The following DMWD variants were observed in gnomAD, a reference collection of about 807,000 sequenced individuals.
The protein encoded by DMWD is dystrophia myotonica WD repeat-containing protein.
DMWD carries 19 observed loss-of-function variants against 45.8 expected under a neutral mutation model. The ratio of observed to expected loss-of-function variants is 0.41; its 90% CI spans 0.29 to 0.61. The LOEUF (loss-of-function observed/expected upper bound fraction) is 0.61, where lower values mean the gene tolerates loss of function less well. Among genes scored for constraint, DMWD ranks in the 20% least tolerant of loss-of-function variants. The pLI is 0.25. For missense variants in DMWD, 802 were observed against 965.2 expected, an observed-to-expected ratio of 0.83 and a Z score of 2.24; for synonymous variants, 515 against 440.5, an observed-to-expected ratio of 1.17 and a Z score of -2.12.
rs200580551 is a variant in DMWD at position 45,786,755 on chromosome 19, G to A, written c.741C>T (p.Cys247=). 27 of 1,614,148 alleles carry A rather than the reference G, an allele frequency of 1.7e-5. No homozygotes were observed. The highest frequency in any genetic ancestry group is 1.3e-4 in the Admixed American group (8 of 60,032). The stretch of plus-strand genomic sequence containing the variant: ...GGCTGTACTGGGGCGGGGCCGAGGC[G>A]CAGGGGTGGCTGACGTTGTACAGGT... ...HLYLYNVSHP[C]ASAPPQYSLL... is the part of the protein sequence containing the mutation. Residue 247 remains cysteine (C), a synonymous_variant, in exon 3 of 5, where the codon TGC becomes TGT. Transcript: ENST00000270223.
chr19:45,784,263 G>A lies in DMWD; in HGVS notation c.2005C>T (p.Pro669Ser). 6.5e-7 allele frequency: 1 copy of A among 1,526,740 alleles called. No homozygotes were observed. 94.6% of individuals were successfully genotyped at this position (1,526,740 alleles called of 1,614,324 possible). A position where few individuals can be genotyped will look rare whatever the true frequency, so the allele number is the denominator to read the frequency against. ...TGGCTTCACACCACTGTGCCACTCG[G>A]GGAGTTGCCTGGTTGGGAGGAGATG... ...EGISSQPGNS[P>S]SGTVV The change falls in exon 5 of 5, where the codon CCG becomes TCG. Residue 669 changes from proline (P) to serine (S), a missense_variant. By Grantham distance (74) the Pro-to-Ser change is moderately conservative. Transcript: ENST00000270223.
chr19:45,792,125 C>A (rs1970363253), intron 1 of DMWD, among the ~76,000 whole-genome samples, 191 bp downstream of exon 1: 1 of 152,162 alleles, frequency 6.6e-6, no homozygotes, highest in Admixed American at 6.5e-5. Context: ...TCCAAGATGC[C>A]TGCCCAGCAC....
Position 45,792,669 on chromosome 19 carries a change from C to G in DMWD, c.88G>C (p.Glu30Gln). The G allele has an allele frequency of 7.6e-7, 1 of 1,316,670 alleles. No homozygotes were observed. Among genetic ancestry groups the G allele is most frequent in the Non-Finnish European group, 9.8e-7 (1 of 1,017,248 alleles). The allele number at this position is 1,316,670 out of a possible 1,614,324, so 81.6% of individuals were successfully genotyped here. ...AEIKSQFRTR[E>Q]GFYKLLPGDG... ...CCCGGGAGTAGCTTGTAGAAACCCT[C>G]GCGCGTGCGGAATTGCGACTTAATC... Residue 30 changes from glutamate (E) to glutamine (Q), a missense_variant, in exon 1 of 5, where the codon GAG becomes CAG. Coordinates refer to ENST00000270223, the MANE Select transcript of DMWD (RefSeq NM_004943.2).
At position 45,786,252 on chromosome 19, in the gene DMWD, C is replaced by A. The variant is rs752434753; in HGVS notation, c.1244G>T (p.Gly415Val). The A allele has an allele frequency of 6.2e-7, 1 of 1,606,608 alleles. No homozygotes were observed. Among genetic ancestry groups the A allele is most frequent in the East Asian group, 2.2e-5 (1 of 44,720 alleles). The change falls in exon 3 of 5, where the codon GGC becomes GTC. Residue 415 changes from glycine to valine, a missense_variant. Gly to Val is a moderately radical substitution (Grantham distance 109, BLOSUM62 -3). Coordinates refer to ENST00000270223, the MANE Select transcript of DMWD (RefSeq NM_004943.2). Reference protein sequence around the residue: ...PEAAGTGSAGGAPLSPLPKAG... With the variant: ...PEAAGTGSAGVAPLSPLPKAG... ...CTTGGGCAGTGGAGAGAGCGGGGCG[C>A]CCCCGGCCGAGCCTGTGCCCGCAGC...
rs1408265535 is a variant in DMWD at position 45,785,764 on chromosome 19, C to T, written c.1732G>A (p.Val578Met). The T allele has an allele frequency of 1.2e-6, 2 of 1,611,296 alleles. No homozygotes were observed. Among genetic ancestry groups the T allele is most frequent in the Non-Finnish European group, 1.7e-6 (2 of 1,178,948 alleles). The change falls in exon 3 of 5, where the codon GTG becomes ATG. Residue 578 changes from valine to methionine, a missense_variant. Physicochemically the swap from Val to Met is conservative, Grantham distance 21. Coordinates refer to ENST00000270223, the MANE Select transcript of DMWD (RefSeq NM_004943.2). ...CGCGGGCACAGCGCAGTGCCCAGCA[C>T]CTTGGCGGGGTCCAGGCGGCTGCGG... Reference protein sequence around the residue: ...VPRSRLDPAKVLGTALCPRIH... With the variant: ...VPRSRLDPAKMLGTALCPRIH...
rs1970266664 is a variant in DMWD, at chr19:45,785,970, C to G, written c.1526G>C (p.Gly509Ala). 6.4e-7 allele frequency: 1 copy of G among 1,574,054 alleles called. No homozygotes were observed. Among genetic ancestry groups the G allele is most frequent in the Non-Finnish European group, 8.6e-7 (1 of 1,161,890 alleles). Reference sequence around the variant, plus strand: ...TGGTGTGCCAGGCTCTGCCGCCACACCCGGGCCGCCCGCCTTGCCCCCGCC... The same window carrying G: ...TGGTGTGCCAGGCTCTGCCGCCACAGCCGGGCCGCCCGCCTTGCCCCCGCC... ...PAGGGKAGGP[G>A]VAAEPGTPFS... The change falls in exon 3 of 5, where the codon GGT (glycine) becomes GCT (alanine). Residue 509 changes from glycine (G) to alanine (A), a missense_variant. Gly to Ala is a moderately conservative substitution (Grantham distance 60). Coordinates refer to ENST00000270223, the MANE Select transcript of DMWD (RefSeq NM_004943.2).
At chr19:45,791,577 C>T (rs1197982972) in intron 1 of DMWD, among the ~76,000 whole-genome samples, 2 of 152,114 alleles carry the variant, frequency 1.3e-5, no homozygotes, top group African/African-American at 4.8e-5. Context: ...TTCTGGGACC[C>T]GTCAAACCTC....
At position 45,786,359 on chromosome 19, in the gene DMWD, G is replaced by A. The variant is rs768564011; in HGVS notation, c.1137C>T (p.Tyr379=). ...TCGCCGCCTCCTCTGCCCTTGTGGT[G>A]TAGGGGTCAAAGGCCACAGCGTTGA... The part of the protein sequence containing the change: ...SWVNAVAFDP[Y]TTRAEEAATA... The change falls in exon 3 of 5, where the codon TAC becomes TAT. Residue 379 remains tyrosine (Y), a synonymous_variant. Transcript: ENST00000270223. The A allele has an allele frequency of 1.2e-6, 2 of 1,611,970 alleles. No individual in the cohort carries two copies. The highest frequency in any genetic ancestry group is 1.3e-5 in the African/African-American group (1 of 75,038).
At chr19:45,789,554 T>C (rs1970326820) in intron 2 of DMWD, 1 of 152,258 alleles carries the variant, frequency 6.6e-6, no homozygotes, top group Non-Finnish European at 1.5e-5. Flanking sequence ...AATGGTCACC[T>C]TCCCAAAGTC....
chr19:45,786,320 A>T lies in DMWD; in HGVS notation c.1176T>A (p.Ala392=). The T allele has an allele frequency of 6.2e-7, 1 of 1,606,442 alleles. No individual in the cohort carries two copies. The highest frequency in any genetic ancestry group is 8.5e-7 in the Non-Finnish European group (1 of 1,174,710). The change falls in exon 3 of 5, where the codon GCT becomes GCA. Residue 392 remains alanine (A), a synonymous_variant. Transcript: ENST00000270223. ...CCTCTTCGCCGCTCCGCTCCCCATC[A>T]GCACCGGCTGCTGTCGCCGCCTCCT... ...RAEEAATAAG[A]DGERSGEEEE...
At chr19:45,791,160 G>A (rs1429082921) in intron 1 of DMWD, 73 bp from the exon 2 acceptor site, 7 of 1,474,382 alleles carry the variant, frequency 4.7e-6, no homozygotes, top group South Asian at 2.6e-5. Flanking sequence ...GAGGTTGGGG[G>A]AAACCACTAA....
At chr19:45,786,967 G>C in intron 2 of DMWD, 96 bp from the exon 3 acceptor site, 1 of 1,510,768 alleles carries the variant, frequency 6.6e-7, no homozygotes, top group Non-Finnish European at 8.9e-7. Flanking sequence ...GTTGGACATG[G>C]CCCCGCTCAC....
intron 3 of DMWD, chr19:45,785,393 G>A: frequency 8.0e-7 from 1 of 1,253,048 alleles, no homozygotes; most frequent in Non-Finnish European, 1.0e-6. Flanking sequence ...CCCTCTTTCT[G>A]CTGCCTGCTG....
chr19:45,786,665 C>T lies in DMWD; in HGVS notation c.831G>A (p.Leu277=), dbSNP rs1317246619. The part of the protein sequence containing the change: ...AAKSKAPRNP[L]AKWAVGEGPL... The stretch of plus-strand genomic sequence containing the variant: ...GCCCCTCACCCACCGCCCACTTGGC[C>T]AGCGGGTTGCGGGGTGCCTTGCTCT... The change falls in exon 3 of 5, where the codon CTG becomes CTA. Residue 277 remains leucine (L), a synonymous_variant. Transcript: ENST00000270223. 2 of 1,611,066 alleles carry T rather than the reference C, an allele frequency of 1.2e-6. No individual in the cohort carries two copies. The highest frequency in any genetic ancestry group is 1.7e-6 in the Non-Finnish European group (2 of 1,177,670).
intron 2 of DMWD, among the ~76,000 whole-genome samples, chr19:45,788,033 T>C (rs1008614627): frequency 6.6e-6 from 1 of 152,030 alleles, no homozygotes; most frequent in Non-Finnish European, 1.5e-5. Flanking sequence ...GGGGAGATCA[T>C]GCCACTGTAC....
chr19:45,785,619 C>G lies in DMWD; in HGVS notation c.1877G>C (p.Cys626Ser). ...IITACQEGLI[C>S]TWARPGKAFT... Reference sequence around the variant, plus strand: ...CGCCTTGCCCGGCCGGGCCCAGGTGCAGATGAGGCCCTCCTGGCAGGCAGT... The same window carrying G: ...CGCCTTGCCCGGCCGGGCCCAGGTGGAGATGAGGCCCTCCTGGCAGGCAGT... Residue 626 changes from cysteine (C) to serine (S), a missense_variant, in exon 3 of 5, where the codon TGC (cysteine) becomes TCC (serine). This residue lies in a region of DMWD where 303 missense variants were observed against 332.9 expected (regional missense o/e 0.91). Coordinates refer to ENST00000270223, the MANE Select transcript of DMWD (RefSeq NM_004943.2). The G allele has an allele frequency of 6.6e-7, 1 of 1,522,230 alleles. No homozygotes were observed. The highest frequency in any genetic ancestry group is 2.3e-5 in the East Asian group (1 of 42,672). The allele number at this position is 1,522,230 out of a possible 1,614,324, so 94.3% of individuals were successfully genotyped here.
In DMWD at chr19:45,783,854, C is replaced by T. The variant is rs552683765; in HGVS notation, c.*389G>A. ...TAGCAAGGGCAGCTGGGGTGGGGGCCGGGCGAGGGCTGGACCACCCCCGGC... is the reference window on the plus strand; with the variant it reads ...TAGCAAGGGCAGCTGGGGTGGGGGCTGGGCGAGGGCTGGACCACCCCCGGC... On this transcript the variant is annotated 3_prime_UTR_variant, in exon 5 of 5. Coordinates refer to ENST00000270223, the MANE Select transcript of DMWD (RefSeq NM_004943.2). 3.9e-5 allele frequency: 18 copies of T among 462,186 alleles called. No individual in the cohort carries two copies. Among genetic ancestry groups the T allele is most frequent in the Middle Eastern group, 4.8e-4 (1 of 2,072 alleles). The allele number at this position is 462,186 out of a possible 1,614,324, so 28.6% of individuals were successfully genotyped here. A position where few individuals can be genotyped will look rare whatever the true frequency, so the allele number is the denominator to read the frequency against.
In DMWD at chr19:45,786,498, C is replaced by G; in HGVS notation, c.998G>C (p.Cys333Ser). ...KSYFGGLLCV[C>S]WSPDGRYVVT... ...CACGTAGCGGCCGTCAGGGCTCCAG[C>G]ACACACACAGCAGGCCCCCAAAGTA... is the stretch of plus-strand genomic sequence containing the variant. The change falls in exon 3 of 5, where the codon TGC becomes TCC. Residue 333 changes from cysteine (C) to serine (S), a missense_variant. By Grantham distance (112) the Cys-to-Ser change is moderately radical. Around this residue, in one of 9 missense-constraint regions of DMWD, gnomAD observed 146 missense variants for 212.8 expected, o/e 0.69. Transcript: ENST00000270223. The G allele has an allele frequency of 6.2e-7, 1 of 1,613,718 alleles. No homozygotes were observed. The highest frequency in any genetic ancestry group is 8.5e-7 in the Non-Finnish European group (1 of 1,179,668).
intron 3 of DMWD, chr19:45,785,381 A>C: frequency 8.0e-7 from 1 of 1,246,768 alleles, no homozygotes. Context: ...TCTCACACCC[A>C]CCCCTCTTTC....
Sources: gnomAD v4.1 joint callset for allele counts (sites outside exome capture counted in the v4.1 genomes callset) on GRCh38, gnomAD v4.1.1 for gene constraint, gnomAD v4.1.1 regional missense constraint, MANE v1.5 for transcripts, NCBI Gene and HGNC (gene_info 2026-07-23, HGNC 2026-07-21) for gene names.